The following DENND1B variants were observed in gnomAD, a reference collection of about 807,000 sequenced individuals.
DENND1B encodes the protein DENN domain containing 1B.
In DENND1B, 59 loss-of-function variants were observed where a neutral mutation model predicts 90.1. The observed-to-expected ratio is 0.65, with a 90% CI of 0.53 to 0.81. DENND1B has a LOEUF of 0.81. Among genes scored for constraint, DENND1B ranks in the 40% least tolerant of loss-of-function variants. The pLI, the probability that DENND1B is intolerant of heterozygous loss-of-function variation, is 0.00. For synonymous variants in DENND1B, 337 were observed against 324.6 expected (o/e 1.04, Z -0.41); for missense variants, 862 against 912.6 (o/e 0.94, Z 0.71).
chr1:197,735,541 T>C lies in DENND1B; in HGVS notation c.83-20467A>G, dbSNP rs1181643047. 3 of 1,613,196 alleles carry C rather than the reference T, an allele frequency of 1.9e-6. No homozygotes were observed. In the African/African-American group the frequency reaches 4.0e-5, roughly 22 times the overall value. Reference sequence around the variant, plus strand: ...TTAGTGTGAACTATGAAACATTCCATTTACAAAGTGTTCTTAGACTTTTAT... The same window carrying C: ...TTAGTGTGAACTATGAAACATTCCACTTACAAAGTGTTCTTAGACTTTTAT... On this transcript the variant is annotated intron_variant, in intron 2 of 22. Coordinates refer to ENST00000620048, the MANE Select transcript of DENND1B (RefSeq NM_001195215.2).
intron 14 of DENND1B, among the ~76,000 whole-genome samples, chr1:197,588,627 A>G (rs1674920235): frequency 1.3e-5 from 2 of 152,198 alleles, no homozygotes; most frequent in African/African-American, 4.8e-5. Flanking sequence ...GCTATTTTAA[A>G]TTTAAAATAT....
Position 197,775,195 on chromosome 1 carries a change from G to A in DENND1B, c.-40C>T. The A allele has an allele frequency of 8.0e-7, 1 of 1,257,496 alleles. No individual in the cohort carries two copies. Among genetic ancestry groups the A allele is most frequent in the Non-Finnish European group, 1.0e-6 (1 of 996,948 alleles). The allele number at this position is 1,257,496 out of a possible 1,614,324, so 77.9% of individuals were successfully genotyped here. ...GTGGGGCTGTCCGTCCGGCCCCCGC[G>A]CGCTGGCCTGGAAGCCCGCAGCCCG... On this transcript the variant is annotated 5_prime_UTR_variant, in exon 1 of 23. Coordinates refer to ENST00000620048, the MANE Select transcript of DENND1B (RefSeq NM_001195215.2).
intron 15 of DENND1B, among the ~76,000 whole-genome samples, chr1:197,576,488 G>T (rs1673698707): frequency 1.3e-5 from 2 of 152,114 alleles, no homozygotes. Context: ...GATGTATGTG[G>T]TATATTTAAC....
chr1:197,722,680 C>T (rs1315133876), intron 2 of DENND1B, among the ~76,000 whole-genome samples: 1 of 152,092 alleles, frequency 6.6e-6, no homozygotes, highest in Non-Finnish European at 1.5e-5. Flanking sequence ...TAAAATAATT[C>T]TTCATTTAAT....
chr1:197,564,841 C>T (rs2125712915), intron 15 of DENND1B, among the ~76,000 whole-genome samples: 1 of 151,926 alleles, frequency 6.6e-6, no homozygotes, highest in Admixed American at 6.6e-5. Context: ...CATAAGAGAG[C>T]AAGCAGTCTG....
intron 2 of DENND1B, chr1:197,736,211 C>A (rs1289738154): frequency 4.7e-6 from 2 of 423,600 alleles, no homozygotes; most frequent in Non-Finnish European, 8.7e-6. Context: ...ATTTCAAGCT[C>A]AATTTTAAGC....
chr1:197,770,784 AAATATATATC>A (rs1656445857), intron 2 of DENND1B, among the ~76,000 whole-genome samples: 12 of 141,132 alleles, frequency 8.5e-5, no homozygotes, highest in African/African-American at 2.6e-4. Flanking sequence ...ATAAATATAT[AAATATATATC>A]TATAAATATA....
intron 18 of DENND1B, among the ~76,000 whole-genome samples, chr1:197,542,358 T>A (rs1415081697): frequency 6.6e-6 from 1 of 152,174 alleles, no homozygotes; most frequent in Non-Finnish European, 1.5e-5. Flanking sequence ...AAAAATGTTA[T>A]AAGAACAGGA....
intron 10 of DENND1B, among the ~76,000 whole-genome samples, chr1:197,618,219 T>C (rs1677835333): frequency 6.6e-6 from 1 of 151,156 alleles, no homozygotes; most frequent in South Asian, 2.1e-4. Flanking sequence ...ATGAGCCAGT[T>C]AGGAGAGTCT....
At chr1:197,621,230 T>C (rs1435507055) in intron 10 of DENND1B, among the ~76,000 whole-genome samples, 1 of 151,238 alleles carries the variant, frequency 6.6e-6, no homozygotes, top group African/African-American at 2.4e-5. Flanking sequence ...TACATACCTC[T>C]GAAGAGAGTG....
intron 13 of DENND1B, among the ~76,000 whole-genome samples, chr1:197,598,599 T>C (rs1451394398): frequency 2.0e-5 from 3 of 151,830 alleles, no homozygotes; most frequent in Non-Finnish European, 4.4e-5. Context: ...ACTTTAGTTA[T>C]GAAATAAATA....
upstream of DENND1B, among the ~76,000 whole-genome samples, chr1:197,780,252 A>G (rs748693507): frequency 6.6e-5 from 10 of 151,966 alleles, no homozygotes; most frequent in Non-Finnish European, 1.2e-4. Context: ...CCATAAGACC[A>G]TGATAACAGT....
At chr1:197,694,951 G>A (rs1658279494) in intron 3 of DENND1B, among the ~76,000 whole-genome samples, 1 of 151,134 alleles carries the variant, frequency 6.6e-6, no homozygotes, top group African/African-American at 2.4e-5. Flanking sequence ...TCTTTTCAAT[G>A]GGAGTCTGCT....
At chr1:197,624,328 T>C (rs1005736652) in intron 10 of DENND1B, among the ~76,000 whole-genome samples, 4 of 151,636 alleles carry the variant, frequency 2.6e-5, no homozygotes, top group Admixed American at 1.3e-4. Context: ...TAAAAGACAG[T>C]CTTATCAATA....
intron 16 of DENND1B, among the ~76,000 whole-genome samples, chr1:197,549,238 C>T (rs1208547375): frequency 6.6e-6 from 1 of 152,012 alleles, no homozygotes. Context: ...AATGTACTTG[C>T]TTAAATTCCA....
intron 3 of DENND1B, chr1:197,689,426 G>C (rs1657617673): frequency 6.6e-6 from 1 of 152,108 alleles, no homozygotes; most frequent in African/African-American, 2.4e-5. Context: ...CTCAAGATGA[G>C]ATTTGGGTGG....
intron 13 of DENND1B, among the ~76,000 whole-genome samples, chr1:197,599,371 A>T (rs1245923674): frequency 3.3e-5 from 5 of 151,848 alleles, no homozygotes; most frequent in African/African-American, 9.7e-5. Flanking sequence ...ACTTTTAATG[A>T]TCACAAAGAG....
chr1:197,704,739 A>G (rs1160087119), intron 3 of DENND1B, among the ~76,000 whole-genome samples: 1 of 152,146 alleles, frequency 6.6e-6, no homozygotes, highest in East Asian at 1.9e-4. Flanking sequence ...ACTAAATTAC[A>G]TATTGCTTTT....
intron 16 of DENND1B, among the ~76,000 whole-genome samples, chr1:197,547,346 C>G (rs1571830061): frequency 6.6e-6 from 1 of 152,042 alleles, no homozygotes; most frequent in East Asian, 1.9e-4. Context: ...CTGTTCTCCT[C>G]TACTCTGTGG....
Sources: gnomAD v4.1 joint callset for allele counts (sites outside exome capture counted in the v4.1 genomes callset) on GRCh38, gnomAD v4.1.1 for gene constraint, MANE v1.5 for transcripts, NCBI Gene and HGNC (gene_info 2026-07-23, HGNC 2026-07-21) for gene names.